The following RBFOX3 variants were observed in gnomAD, a reference collection of about 807,000 sequenced individuals.
The protein encoded by RBFOX3 is RNA binding fox-1 homolog 3.
RBFOX3 carries 17 observed loss-of-function variants against 48.7 expected under a neutral mutation model. The ratio of observed to expected loss-of-function variants is 0.35; its 90% CI spans 0.24 to 0.52. The LOEUF (loss-of-function observed/expected upper bound fraction) is 0.52, where lower values mean the gene tolerates loss of function less well. Ranked by LOEUF, RBFOX3 falls within the 20% of genes least tolerant of loss-of-function variation. RBFOX3 has a pLI of 0.94. For missense variants in RBFOX3, 382 were observed against 497.5 expected (o/e 0.77, Z 2.21); for synonymous variants, 212 against 209.5 (o/e 1.01, Z -0.10).
chr17:79,506,281 G>C (rs2083106021), intron 1 of RBFOX3, among the ~76,000 whole-genome samples: 2 of 152,210 alleles, frequency 1.3e-5, no homozygotes, highest in Admixed American at 6.5e-5. Context: ...AGGGACTTGA[G>C]GGGGCCAGTT....
chr17:79,258,596 A>G lies in RBFOX3; in HGVS notation c.-73-22791T>C, dbSNP rs1408540461. On this transcript the variant is annotated intron_variant, in intron 3 of 14. Transcript: ENST00000693108. Reference sequence around the variant, plus strand: ...CAGGGGTCAGATCCTGGGCAGACTAAAAGGAGCTCTAGAGCCTCAGGGCCA... The same window carrying G: ...CAGGGGTCAGATCCTGGGCAGACTAGAAGGAGCTCTAGAGCCTCAGGGCCA... Among the ~76,000 whole-genome samples the G allele has an allele frequency of 3.9e-5, 6 of 152,228 alleles. 1 individual carries two copies. The highest frequency in any genetic ancestry group is 1.3e-4 in the Admixed American group (2 of 15,278).
intron 1 of RBFOX3, chr17:79,599,689 A>G (rs1346789557): frequency 6.6e-6 from 1 of 152,258 alleles, no homozygotes; most frequent in African/African-American, 2.4e-5. Flanking sequence ...CTGGCTGGGG[A>G]AAAAGGAATA....
intron 4 of RBFOX3, among the ~76,000 whole-genome samples, chr17:79,176,514 C>T (rs2050577735): frequency 6.6e-6 from 1 of 152,260 alleles, no homozygotes; most frequent in Non-Finnish European, 1.5e-5. Flanking sequence ...CCCGGAGGGA[C>T]TGTGAAACCA....
rs937258127 is a variant in RBFOX3 at position 79,592,477 on chromosome 17, T to C, written c.-320+18349A>G. 2.0e-4 allele frequency among the ~76,000 whole-genome samples: 30 copies of C among 152,126 alleles called. No individual in the cohort carries two copies. In the East Asian group the frequency reaches 5.6e-3, roughly 28 times the overall value. On this transcript the variant is annotated intron_variant, in intron 1 of 14. Coordinates refer to ENST00000693108, the MANE Select transcript of RBFOX3 (RefSeq NM_001350451.2). ...GGTGTGCATGTGTGTAGTGTGTGCA[T>C]GTGTACGTGCGTTTATGCAGTGTTA...
chr17:79,279,082 G>A (rs1261846752), intron 3 of RBFOX3, among the ~76,000 whole-genome samples: 1 of 152,122 alleles, frequency 6.6e-6, no homozygotes, highest in East Asian at 1.9e-4. Context: ...TGGCAGAGCT[G>A]GGACTAAAAT....
At chr17:79,594,946 A>C (rs2093529221) in intron 1 of RBFOX3, among the ~76,000 whole-genome samples, 1 of 152,140 alleles carries the variant, frequency 6.6e-6, no homozygotes, top group Non-Finnish European at 1.5e-5. Flanking sequence ...TGGGTGCCAC[A>C]CAGAGGGCCA....
At chr17:79,097,864 C>T (rs2075681205) in intron 9 of RBFOX3, 119 bp from the exon 10 acceptor site, 3 of 1,098,170 alleles carry the variant, frequency 2.7e-6, no homozygotes, top group South Asian at 2.8e-5. Flanking sequence ...CAGGGCGCCT[C>T]CCCGCGCCGG....
chr17:79,269,718 C>A (rs1397099581), intron 3 of RBFOX3, among the ~76,000 whole-genome samples: 2 of 151,642 alleles, frequency 1.3e-5, no homozygotes, highest in Non-Finnish European at 2.9e-5. Context: ...TCTTTCCTCT[C>A]CCTTGTCTGT....
At chr17:79,450,712 G>T (rs1245495640) in intron 2 of RBFOX3, among the ~76,000 whole-genome samples, 1 of 152,106 alleles carries the variant, frequency 6.6e-6, no homozygotes, top group South Asian at 2.1e-4. Context: ...GCAACTCATC[G>T]TGATCCAAAG....
At chr17:79,598,392 AC>A (rs2093624135) in intron 1 of RBFOX3, 1 of 19,612 alleles carries the variant, frequency 5.1e-5, no homozygotes, top group Non-Finnish European at 1.1e-4. Flanking sequence ...ATGTGCGCGC[AC>A]ACACACACAC....
intron 14 of RBFOX3, 101 bp downstream of exon 14, chr17:79,094,350 A>C: frequency 1.3e-6 from 1 of 797,828 alleles, no homozygotes; most frequent in Non-Finnish European, 1.8e-6. Context: ...TCCGGGACCA[A>C]GGCATTGGTC....
chr17:79,165,840 G>A (rs972649509), intron 4 of RBFOX3, among the ~76,000 whole-genome samples: 1 of 152,226 alleles, frequency 6.6e-6, no homozygotes, highest in Admixed American at 6.5e-5. Flanking sequence ...CCAAAGGAGG[G>A]CAGGGCAGCA....
At chr17:79,351,508 G>A (rs2083935154) in intron 2 of RBFOX3, among the ~76,000 whole-genome samples, 1 of 152,194 alleles carries the variant, frequency 6.6e-6, no homozygotes, top group Non-Finnish European at 1.5e-5. Context: ...CAATCTTGCT[G>A]TCTTTTCTAT....
At chr17:79,389,099 C>CGG (rs148613149) in intron 2 of RBFOX3, among the ~76,000 whole-genome samples, 58 of 152,094 alleles carry the variant, frequency 3.8e-4, no homozygotes, top group African/African-American at 1.1e-3. Flanking sequence ...GCGGTGGGCG[C>CGG]GGGGGGGCGG....
chr17:79,190,430 AAC>A lies in RBFOX3; in HGVS notation c.-34+45334_-34+45335del, dbSNP rs1491398249. ...CTGTCTCACCAAAAAAAAAAAAAAAAACAAAAAAACAGAGTGAAGAAGAAGAA... is the reference window on the plus strand; with the variant it reads ...CTGTCTCACCAAAAAAAAAAAAAAAAAAAAAAACAGAGTGAAGAAGAAGAA... On this transcript the variant is annotated intron_variant, in intron 4 of 14. Transcript: ENST00000693108. Among the ~76,000 whole-genome samples the A allele has an allele frequency of 2.2e-4, 22 of 98,956 alleles. No homozygotes were observed. The South Asian group carries it at 2.5e-3, about 11-fold the overall frequency. 64.9% of individuals were successfully genotyped at this position (98,956 alleles called of 152,430 possible). A position where few individuals can be genotyped will look rare whatever the true frequency, so the allele number is the denominator to read the frequency against.
Position 79,535,116 on chromosome 17 carries a change from G to A in RBFOX3, c.-319-52518C>T, listed in dbSNP as rs959330636. On this transcript the variant is annotated intron_variant, in intron 1 of 14. Coordinates refer to ENST00000693108, the MANE Select transcript of RBFOX3 (RefSeq NM_001350451.2). The surrounding 1 kb of genome is among the most constrained non-coding windows in gnomAD (Gnocchi z 4.5). ...GGGAAGTCCAGGCTGTGGCAGCTGC[G>A]GGGTTGGGCGATTCAGCCCCTCTCT... is the stretch of plus-strand genomic sequence containing the variant. 6.6e-6 allele frequency among the ~76,000 whole-genome samples: 1 copy of A among 152,188 alleles called. No individual in the cohort carries two copies. The highest frequency in any genetic ancestry group is 1.5e-5 in the Non-Finnish European group (1 of 68,038).
chr17:79,389,900 G>C (rs933820697), intron 2 of RBFOX3, among the ~76,000 whole-genome samples: 1 of 152,256 alleles, frequency 6.6e-6, no homozygotes, highest in African/African-American at 2.4e-5. Context: ...CCAAAGCAGA[G>C]AGGGTTTCAG....
chr17:79,452,549 G>A (rs4790044), intron 2 of RBFOX3, among the ~76,000 whole-genome samples: 95,759 of 152,000 alleles, frequency 0.63, 30,468 homozygotes, highest in South Asian at 0.7. Flanking sequence ...ATGCAGCAGC[G>A]AATGGGTCAT....
intron 4 of RBFOX3, among the ~76,000 whole-genome samples, chr17:79,225,882 C>T (rs1169290834): frequency 1.3e-5 from 2 of 150,636 alleles, no homozygotes; most frequent in Non-Finnish European, 2.9e-5. Flanking sequence ...GGAGAGTCAA[C>T]AAACATAATT....
Sources: allele counts gnomAD v4.1 joint callset (sites outside exome capture counted in the v4.1 genomes callset), GRCh38; gene constraint gnomAD v4.1.1; non-coding constraint Gnocchi (gnomAD v3.1); transcripts MANE v1.5; gene names NCBI Gene and HGNC (gene_info 2026-07-23, HGNC 2026-07-21).